Variants in ODAD2 observed in about 807,000 individuals in gnomAD.
ODAD2 encodes outer dynein arm-docking complex subunit 2.
A neutral mutation model predicts 106.8 loss-of-function variants in ODAD2; 89 were observed. The ratio of observed to expected loss-of-function variants is 0.83; its 90% CI spans 0.70 to 0.99. The LOEUF (loss-of-function observed/expected upper bound fraction) is 0.99. Among genes scored for constraint, ODAD2 ranks in the 50% least tolerant of loss-of-function variants. ODAD2 has a pLI of 0.00. For synonymous variants in ODAD2, 404 were observed against 436.2 expected (o/e 0.93, Z 0.92); for missense variants, 1,168 against 1,238.5 (o/e 0.94, Z 0.85).
At chr10:27,964,666 G>A (rs1223696159) in intron 9 of ODAD2, among the ~76,000 whole-genome samples, 4 of 152,140 alleles carry the variant, frequency 2.6e-5, no homozygotes, top group Non-Finnish European at 4.4e-5. Flanking sequence ...TCTTTACCTC[G>A]ATGTTCAGCA....
chr10:27,977,070 T>C lies in ODAD2; in HGVS notation c.936+4396A>G, dbSNP rs368075584. On this transcript the variant is annotated intron_variant, in intron 7 of 19. Coordinates refer to ENST00000305242, the MANE Select transcript of ODAD2 (RefSeq NM_018076.5). ...AAAATGAACTTTGATCCATAACTCA[T>C]ATACACAAACCAAATTAAAGTGGAT... 1.1e-3 allele frequency among the ~76,000 whole-genome samples: 174 copies of C among 152,166 alleles called. 5 individuals carry two copies. The South Asian group carries it at 0.034, about 30-fold the overall frequency.
chr10:27,841,491 G>A (rs1838302644), intron 19 of ODAD2, among the ~76,000 whole-genome samples: 2 of 152,068 alleles, frequency 1.3e-5, no homozygotes, highest in Non-Finnish European at 2.9e-5. Context: ...CACCTCCCAG[G>A]TTCAAGCAAT....
intron 1 of ODAD2, among the ~76,000 whole-genome samples, chr10:27,996,727 C>T (rs1394492590): frequency 6.6e-6 from 1 of 152,130 alleles, no homozygotes; most frequent in East Asian, 1.9e-4. Context: ...TGGAATTTTA[C>T]CAAGAGCTCA....
intron 17 of ODAD2, among the ~76,000 whole-genome samples, chr10:27,903,645 T>C (rs1221247265): frequency 2.6e-5 from 4 of 152,188 alleles, no homozygotes; most frequent in African/African-American, 4.8e-5. Context: ...AGCATTCCTA[T>C]ACACCAATAA....
chr10:27,970,633 G>A (rs1471241850), intron 8 of ODAD2, among the ~76,000 whole-genome samples: 3 of 151,944 alleles, frequency 2.0e-5, no homozygotes, highest in Admixed American at 6.6e-5. Flanking sequence ...CGCCTTGGAG[G>A]GACATGTAAA....
intron 12 of ODAD2, among the ~76,000 whole-genome samples, chr10:27,942,854 G>C (rs1846555536): frequency 6.6e-6 from 1 of 152,156 alleles, no homozygotes; most frequent in Non-Finnish European, 1.5e-5. Context: ...CCAGCCATAA[G>C]TCTATCTCAT....
At chr10:27,932,770 A>G (rs1432542760) in intron 16 of ODAD2, among the ~76,000 whole-genome samples, 4 of 152,032 alleles carry the variant, frequency 2.6e-5, no homozygotes, top group African/African-American at 9.7e-5. Context: ...TTTCAATCAC[A>G]CTGTTTTCTT....
intron 19 of ODAD2, among the ~76,000 whole-genome samples, chr10:27,823,127 G>A (rs1836742879): frequency 6.6e-6 from 1 of 152,150 alleles, no homozygotes; most frequent in Non-Finnish European, 1.5e-5. Context: ...AAAAGGAAGT[G>A]ATAAGTTTCT....
At chr10:27,965,291 C>G (rs941237816) in intron 9 of ODAD2, among the ~76,000 whole-genome samples, 5 of 152,138 alleles carry the variant, frequency 3.3e-5, no homozygotes, top group African/African-American at 9.7e-5. Context: ...CCTACGGTCC[C>G]CATGCCCTGT....
At chr10:27,901,367 T>C (rs1843186664) in intron 17 of ODAD2, among the ~76,000 whole-genome samples, 1 of 152,074 alleles carries the variant, frequency 6.6e-6, no homozygotes, top group African/African-American at 2.4e-5. Flanking sequence ...ACATACCAAA[T>C]TGTAAAGACC....
intron 19 of ODAD2, among the ~76,000 whole-genome samples, chr10:27,833,314 G>A (rs938569217): frequency 3.9e-5 from 6 of 151,966 alleles, no homozygotes; most frequent in Admixed American, 3.9e-4. Context: ...TTAGCACCCG[G>A]CAATAGTCGT....
chr10:27,908,814 T>A (rs1205960454), intron 16 of ODAD2, among the ~76,000 whole-genome samples: 1 of 152,104 alleles, frequency 6.6e-6, no homozygotes, highest in East Asian at 1.9e-4. Context: ...TTTGCATAAC[T>A]TTATAAAATT....
At chr10:27,955,219 C>T (rs773853999) in intron 10 of ODAD2, among the ~76,000 whole-genome samples, 1 of 152,098 alleles carries the variant, frequency 6.6e-6, no homozygotes, top group Non-Finnish European at 1.5e-5. Context: ...AACTCTGTGC[C>T]ATCACATTCT....
chr10:27,842,968 A>G (rs1267011479), intron 19 of ODAD2, among the ~76,000 whole-genome samples: 1 of 152,200 alleles, frequency 6.6e-6, no homozygotes, highest in East Asian at 1.9e-4. Context: ...GACTCTTTTA[A>G]TATATAGAGG....
At chr10:27,925,853 G>T (rs1845218483) in intron 16 of ODAD2, among the ~76,000 whole-genome samples, 1 of 151,954 alleles carries the variant, frequency 6.6e-6, no homozygotes, top group Non-Finnish European at 1.5e-5. Context: ...GAAATTAGAG[G>T]AGATAAATCA....
chr10:27,964,820 A>G (rs567989381), intron 9 of ODAD2, among the ~76,000 whole-genome samples: 1 of 152,190 alleles, frequency 6.6e-6, no homozygotes, highest in Non-Finnish European at 1.5e-5. Context: ...CCATAAAGGT[A>G]AGGACCATTT....
intron 16 of ODAD2, among the ~76,000 whole-genome samples, chr10:27,921,459 T>G (rs772028860): frequency 5.3e-5 from 8 of 151,942 alleles, no homozygotes; most frequent in African/African-American, 9.7e-5. Context: ...GTATGCCAGG[T>G]AGTTTGTATA....
chr10:27,831,145 T>C (rs1439180748), intron 19 of ODAD2, among the ~76,000 whole-genome samples: 4 of 152,208 alleles, frequency 2.6e-5, no homozygotes, highest in African/African-American at 9.6e-5. Context: ...GCCTTGTGCT[T>C]GGATGCATCC....
chr10:27,895,223 ACT>A (rs1170048190), intron 17 of ODAD2, among the ~76,000 whole-genome samples: 3 of 152,078 alleles, frequency 2.0e-5, no homozygotes, highest in Non-Finnish European at 4.4e-5. Context: ...TACAAAAACA[ACT>A]CTGTCTTACT....
Sources: allele counts gnomAD v4.1 joint callset (sites outside exome capture counted in the v4.1 genomes callset), GRCh38; gene constraint gnomAD v4.1.1; transcripts MANE v1.5; gene names NCBI Gene and HGNC (gene_info 2026-07-23, HGNC 2026-07-21).